The following ADARB2 variants were observed in gnomAD, a reference collection of about 807,000 sequenced individuals.
ADARB2 encodes adenosine deaminase RNA specific B2 (inactive).
Under a neutral mutation model 62.2 loss-of-function variants are expected in ADARB2, and 25 were observed. The observed-to-expected ratio is 0.40, with a 90% CI of 0.29 to 0.56. The LOEUF (loss-of-function observed/expected upper bound fraction) is 0.56. Among genes scored for constraint, ADARB2 ranks in the 20% least tolerant of loss-of-function variants. The pLI is 0.43. For missense variants in ADARB2, 1,071 were observed against 1,077.4 expected, an observed-to-expected ratio of 0.99 and a Z score of 0.08; for synonymous variants, 572 against 500.8, an observed-to-expected ratio of 1.14 and a Z score of -1.90.
intron 1 of ADARB2, among the ~76,000 whole-genome samples, chr10:1,689,470 G>A (rs921539140): frequency 2.6e-5 from 4 of 152,128 alleles, no homozygotes; most frequent in African/African-American, 7.2e-5. Context: ...GTTCAATAAT[G>A]TCTGTGTGTC....
At chr10:1,459,654 C>T (rs1427155177) in intron 1 of ADARB2, among the ~76,000 whole-genome samples, 3 of 152,076 alleles carry the variant, frequency 2.0e-5, no homozygotes, top group East Asian at 1.9e-4. Flanking sequence ...CCCAGGTACT[C>T]GGGAGGGTGA....
At chr10:1,482,564 G>A (rs1176393155) in intron 1 of ADARB2, among the ~76,000 whole-genome samples, 4 of 152,218 alleles carry the variant, frequency 2.6e-5, no homozygotes, top group Admixed American at 2.6e-4. Context: ...TTTCAGTTTG[G>A]AAGATGAAAT....
At chr10:1,488,445 A>T (rs1460041734) in intron 1 of ADARB2, among the ~76,000 whole-genome samples, 1 of 152,200 alleles carries the variant, frequency 6.6e-6, no homozygotes, top group African/African-American at 2.4e-5. Context: ...CTAAAGAGTG[A>T]CCTTCAGGGA....
rs187060260 is a variant in ADARB2 at position 1,637,794 on chromosome 10, A to G, written c.100+99257T>C. Among the ~76,000 whole-genome samples the G allele has an allele frequency of 7.3e-4, 111 of 152,328 alleles. 1 individual carries two copies. In the East Asian group the frequency reaches 0.012, roughly 17 times the overall value. On this transcript the variant is annotated intron_variant, in intron 1 of 9. Transcript: ENST00000381312. ...TAATGTGTCTGCGTGGCTCCTGTTT[A>G]TGAGCAAAGCAAACCTCCTACTGCT...
intron 2 of ADARB2, among the ~76,000 whole-genome samples, chr10:1,368,639 A>G (rs1350909133): frequency 1.3e-5 from 2 of 152,154 alleles, no homozygotes; most frequent in Admixed American, 1.3e-4. Flanking sequence ...GCTTTTCCAC[A>G]CACAACAAAG....
chr10:1,322,498 G>C (rs1196873195), intron 3 of ADARB2, among the ~76,000 whole-genome samples: 1 of 152,186 alleles, frequency 6.6e-6, no homozygotes, highest in Non-Finnish European at 1.5e-5. Flanking sequence ...AGATTTACCA[G>C]ATTGGAGAAT....
chr10:1,587,358 A>T (rs1833195027), intron 1 of ADARB2, among the ~76,000 whole-genome samples: 1 of 152,330 alleles, frequency 6.6e-6, no homozygotes, highest in Admixed American at 6.5e-5. Context: ...TCCAGTCCTC[A>T]TCCAGACAGA....
At chr10:1,332,481 GT>G (rs57168465) in intron 3 of ADARB2, among the ~76,000 whole-genome samples, 6,978 of 131,456 alleles carry the variant, frequency 0.053, 188 homozygotes, top group South Asian at 0.11. Flanking sequence ...CATCAGTTTT[GT>G]TTTTTTTTTT....
chr10:1,663,177 A>G (rs559313919), intron 1 of ADARB2, among the ~76,000 whole-genome samples: 134 of 152,372 alleles, frequency 8.8e-4, no homozygotes, highest in African/African-American at 2.9e-3. Flanking sequence ...AGAAAAGTTG[A>G]GCAGAAAGTA....
chr10:1,491,902 T>C (rs1472536221), intron 1 of ADARB2, among the ~76,000 whole-genome samples: 1 of 152,252 alleles, frequency 6.6e-6, no homozygotes, highest in Non-Finnish European at 1.5e-5. Context: ...TGGATTGTTG[T>C]AAAAATCAAA....
At chr10:1,462,425 C>G (rs1469132275) in intron 1 of ADARB2, among the ~76,000 whole-genome samples, 2 of 152,264 alleles carry the variant, frequency 1.3e-5, no homozygotes, top group African/African-American at 4.8e-5. Context: ...GCGTCCTAAC[C>G]AAAGACAGCC....
intron 1 of ADARB2, among the ~76,000 whole-genome samples, chr10:1,703,502 C>T (rs1434458967): frequency 1.3e-5 from 2 of 152,042 alleles, no homozygotes; most frequent in Admixed American, 6.5e-5. Context: ...GATGATCCAG[C>T]AGAGAGGGGA....
At chr10:1,276,178 G>T (rs1003054165) in intron 3 of ADARB2, among the ~76,000 whole-genome samples, 3 of 152,134 alleles carry the variant, frequency 2.0e-5, no homozygotes, top group African/African-American at 7.2e-5. Context: ...GTTGTTTCCT[G>T]ACTTTTTAAT....
intron 1 of ADARB2, among the ~76,000 whole-genome samples, chr10:1,538,596 CA>C (rs1832364358): frequency 6.6e-6 from 1 of 152,200 alleles, no homozygotes; most frequent in South Asian, 2.1e-4. Flanking sequence ...ATGGAGGCCA[CA>C]GGGCACTTGG....
At chr10:1,678,316 T>C (rs551817066) in intron 1 of ADARB2, 1 of 984,710 alleles carries the variant, frequency 1.0e-6, no homozygotes, top group South Asian at 4.7e-5. Flanking sequence ...AGGGTGAGCG[T>C]CTTCAGGGTG....
intron 1 of ADARB2, among the ~76,000 whole-genome samples, chr10:1,568,402 C>T (rs771867606): frequency 2.0e-5 from 3 of 152,182 alleles, no homozygotes; most frequent in South Asian, 2.1e-4. Flanking sequence ...GCTGCGGGGC[C>T]GTCTCCGCAG....
At chr10:1,561,191 T>C (rs1480039745) in intron 1 of ADARB2, among the ~76,000 whole-genome samples, 1 of 152,254 alleles carries the variant, frequency 6.6e-6, no homozygotes, top group Non-Finnish European at 1.5e-5. Context: ...TCATTTTTTC[T>C]TTGAAATGTG....
chr10:1,266,695 C>T (rs966313753), intron 4 of ADARB2, among the ~76,000 whole-genome samples: 3 of 152,164 alleles, frequency 2.0e-5, no homozygotes, highest in African/African-American at 4.8e-5. Context: ...TGTATTCAGA[C>T]GAGAGCCATC....
At chr10:1,372,550 T>G (rs10751798) in intron 2 of ADARB2, among the ~76,000 whole-genome samples, 1 of 151,972 alleles carries the variant, frequency 6.6e-6, no homozygotes, top group South Asian at 2.1e-4. Flanking sequence ...TGAAAGACAC[T>G]GTAAGCTGCC....
Sources: allele counts gnomAD v4.1 joint callset (sites outside exome capture counted in the v4.1 genomes callset), GRCh38; gene constraint gnomAD v4.1.1; transcripts MANE v1.5; gene names NCBI Gene and HGNC (gene_info 2026-07-23, HGNC 2026-07-21).